CCDC85A: variants seen among roughly 807,000 people sequenced by gnomAD.
CCDC85A encodes coiled-coil domain containing 85A.
Under a neutral mutation model 50.2 loss-of-function variants are expected in CCDC85A, and 38 were observed. The observed-to-expected ratio is 0.76, with a 90% confidence interval of 0.58 to 0.99. CCDC85A has a LOEUF of 0.99. Among genes scored for constraint, CCDC85A ranks in the 50% least tolerant of loss-of-function variants. The pLI, the probability that CCDC85A is intolerant of heterozygous loss-of-function variation, is 0.00. For missense variants in CCDC85A, 820 were observed against 742.0 expected, an observed-to-expected ratio of 1.11 and a Z score of -1.22; for synonymous variants, 366 against 301.4, an observed-to-expected ratio of 1.21 and a Z score of -2.22.
chr2:56,222,017 T>C (rs1391744866), intron 2 of CCDC85A, among the ~76,000 whole-genome samples: 1 of 152,002 alleles, frequency 6.6e-6, no homozygotes. Context: ...ATTAACCCAC[T>C]CTCGTGATAA....
At chr2:56,334,998 G>T (rs893283081) in intron 2 of CCDC85A, among the ~76,000 whole-genome samples, 17 of 152,138 alleles carry the variant, frequency 1.1e-4, no homozygotes, top group Admixed American at 3.9e-4. Flanking sequence ...ATCAATTTTA[G>T]ATTATTTAGG....
intron 2 of CCDC85A, among the ~76,000 whole-genome samples, chr2:56,324,281 G>A (rs146617339): frequency 2.0e-4 from 30 of 152,132 alleles, no homozygotes; most frequent in African/African-American, 6.7e-4. Context: ...GGACATTTCT[G>A]TTAGCAGACC....
intron 2 of CCDC85A, among the ~76,000 whole-genome samples, chr2:56,297,132 G>A (rs143898474): frequency 7.9e-5 from 12 of 152,182 alleles, no homozygotes; most frequent in Non-Finnish European, 1.2e-4. Context: ...ATACTTATTC[G>A]TTGAGAGGTG....
At chr2:56,360,993 C>T (rs1163190297) in intron 3 of CCDC85A, among the ~76,000 whole-genome samples, 5 of 152,226 alleles carry the variant, frequency 3.3e-5, no homozygotes, top group Admixed American at 2.0e-4. Context: ...GTGGCTCACG[C>T]CTGTAATCCC....
chr2:56,316,294 A>G (rs1190000846), intron 2 of CCDC85A, among the ~76,000 whole-genome samples: 1 of 152,128 alleles, frequency 6.6e-6, no homozygotes, highest in Non-Finnish European at 1.5e-5. Flanking sequence ...CCTATAAGCT[A>G]TTCTTGCATA....
At chr2:56,282,007 A>G (rs1573168076) in intron 2 of CCDC85A, among the ~76,000 whole-genome samples, 1 of 152,266 alleles carries the variant, frequency 6.6e-6, no homozygotes, top group African/African-American at 2.4e-5. Flanking sequence ...ATACTCTAAG[A>G]TTGCAAATGT....
At chr2:56,209,736 A>T (rs372727134) in intron 2 of CCDC85A, among the ~76,000 whole-genome samples, 2 of 152,078 alleles carry the variant, frequency 1.3e-5, no homozygotes, top group South Asian at 4.1e-4. Context: ...GGAAGGTAAG[A>T]TCAATCATTT....
chr2:56,347,342 C>T (rs938714108), intron 3 of CCDC85A, among the ~76,000 whole-genome samples: 3 of 152,130 alleles, frequency 2.0e-5, no homozygotes, highest in Non-Finnish European at 2.9e-5. Flanking sequence ...CACAGTGGCT[C>T]CCTTAATCCG....
intron 2 of CCDC85A, among the ~76,000 whole-genome samples, chr2:56,295,989 T>C (rs1018837270): frequency 6.6e-6 from 1 of 152,182 alleles, no homozygotes; most frequent in Non-Finnish European, 1.5e-5. Context: ...CTTTCTTACA[T>C]ATGCGATAAA....
chr2:56,343,260 C>A (rs1323870070), intron 3 of CCDC85A, among the ~76,000 whole-genome samples: 1 of 152,148 alleles, frequency 6.6e-6, no homozygotes, highest in Non-Finnish European at 1.5e-5. Flanking sequence ...TAGTACTACT[C>A]ATATACACCA....
intron 2 of CCDC85A, among the ~76,000 whole-genome samples, chr2:56,228,106 T>C (rs781372586): frequency 1.3e-5 from 2 of 152,194 alleles, no homozygotes; most frequent in Non-Finnish European, 2.9e-5. Flanking sequence ...AGAATAACTC[T>C]TAACTGAGAA....
At chr2:56,372,881 C>T (rs981887948) in intron 4 of CCDC85A, among the ~76,000 whole-genome samples, 11 of 152,144 alleles carry the variant, frequency 7.2e-5, no homozygotes, top group African/African-American at 2.7e-4. Flanking sequence ...TGAAAACAAG[C>T]CACTTAATCT....
chr2:56,224,175 A>G (rs2103916165), intron 2 of CCDC85A, among the ~76,000 whole-genome samples: 1 of 152,044 alleles, frequency 6.6e-6, no homozygotes, highest in East Asian at 1.9e-4. Flanking sequence ...GTCTCTATCA[A>G]TTTTTCTGTT....
intron 2 of CCDC85A, among the ~76,000 whole-genome samples, chr2:56,322,480 G>A (rs1292179223): frequency 6.6e-6 from 1 of 152,118 alleles, no homozygotes; most frequent in East Asian, 1.9e-4. Flanking sequence ...AAAAGTGGGT[G>A]ATGGATATGA....
At chr2:56,267,869 A>G (rs1670522495) in intron 2 of CCDC85A, among the ~76,000 whole-genome samples, 1 of 152,218 alleles carries the variant, frequency 6.6e-6, no homozygotes, top group Non-Finnish European at 1.5e-5. Context: ...GAAACAGGTG[A>G]AATGGGTAGT....
intron 2 of CCDC85A, among the ~76,000 whole-genome samples, chr2:56,327,613 G>A (rs979266933): frequency 6.6e-6 from 1 of 152,022 alleles, no homozygotes; most frequent in East Asian, 1.9e-4. Context: ...TGTCTTAGTA[G>A]TATAGTTATT....
intron 3 of CCDC85A, among the ~76,000 whole-genome samples, chr2:56,352,526 A>G (rs956397184): frequency 6.6e-6 from 1 of 152,150 alleles, no homozygotes; most frequent in South Asian, 2.1e-4. Flanking sequence ...TTGCATTTTT[A>G]ATAGAGACGG....
intron 3 of CCDC85A, among the ~76,000 whole-genome samples, chr2:56,368,996 G>C (rs1308551769): frequency 1.3e-5 from 2 of 151,764 alleles, no homozygotes; most frequent in Non-Finnish European, 2.9e-5. Context: ...ATTTTTCTAG[G>C]AGCTTTATTT....
In CCDC85A at chr2:56,184,431, C is replaced by T; in HGVS notation, c.-194C>T. On this transcript the variant is annotated 5_prime_UTR_variant, in exon 1 of 6. Transcript: ENST00000407595. ...CTGCCGGGCCCTGGGGGAGCGCGGG[C>T]GCGCGCGCGGGGATGGCGAGGTAGG... 4 of 574,058 alleles carry T rather than the reference C, an allele frequency of 7.0e-6. No homozygotes were observed. Among genetic ancestry groups the T allele is most frequent in the Non-Finnish European group, 7.5e-6 (3 of 401,432 alleles). The allele number at this position is 574,058 out of a possible 1,614,324, so 35.6% of individuals were successfully genotyped here.
Sources: gnomAD v4.1 joint callset for allele counts (sites outside exome capture counted in the v4.1 genomes callset) on GRCh38, gnomAD v4.1.1 for gene constraint, MANE v1.5 for transcripts, NCBI Gene and HGNC (gene_info 2026-07-23, HGNC 2026-07-21) for gene names.